ZMAT4: variants seen among roughly 807,000 people sequenced by gnomAD.
The protein encoded by ZMAT4 is zinc finger matrin-type protein 4.
ZMAT4 carries 17 observed loss-of-function variants against 28.7 expected under a neutral mutation model. The observed-to-expected ratio is 0.59, with a 90% CI of 0.41 to 0.89. The LOEUF (loss-of-function observed/expected upper bound fraction) is 0.89. Ranked by LOEUF, ZMAT4 falls within the 40% of genes least tolerant of loss-of-function variation. ZMAT4 has a pLI of 0.00. For missense variants in ZMAT4, 240 were observed against 283.8 expected, an observed-to-expected ratio of 0.85 and a Z score of 1.11; for synonymous variants, 117 against 109.2, an observed-to-expected ratio of 1.07 and a Z score of -0.44.
chr8:40,705,067 T>A (rs1385378991), intron 3 of ZMAT4, among the ~76,000 whole-genome samples: 1 of 152,146 alleles, frequency 6.6e-6, no homozygotes, highest in Non-Finnish European at 1.5e-5. Flanking sequence ...TTCCATAGTA[T>A]TGGGGGAAAT....
intron 6 of ZMAT4, among the ~76,000 whole-genome samples, chr8:40,540,304 A>C (rs1802990198): frequency 6.6e-6 from 1 of 152,118 alleles, no homozygotes; most frequent in Non-Finnish European, 1.5e-5. Flanking sequence ...CTGGCTTGTG[A>C]AGGGTCCCTC....
At chr8:40,575,495 C>T (rs1250703570) in intron 6 of ZMAT4, among the ~76,000 whole-genome samples, 1 of 151,970 alleles carries the variant, frequency 6.6e-6, no homozygotes, top group Non-Finnish European at 1.5e-5. Flanking sequence ...CAAAGCCACA[C>T]CACTGCCCCC....
At chr8:40,819,538 G>T (rs757450520) in intron 2 of ZMAT4, among the ~76,000 whole-genome samples, 34 of 152,118 alleles carry the variant, frequency 2.2e-4, no homozygotes, top group Admixed American at 7.9e-4. Flanking sequence ...AGCTCTACAG[G>T]GGGGAGCACG....
rs556511496 is a variant in ZMAT4 at position 40,713,414 on chromosome 8, C to T, written c.193-16013G>A. On this transcript the variant is annotated intron_variant, in intron 3 of 6. Transcript: ENST00000297737. ...ATGTTCTGTATATCAAGAAATAACA[C>T]GAAGCCAAGATCAAGGTAAGGTAAT... Among the ~76,000 whole-genome samples the T allele has an allele frequency of 6.6e-5, 10 of 150,494 alleles. No individual in the cohort carries two copies. In the East Asian group the frequency reaches 7.8e-4, roughly 12 times the overall value.
At chr8:40,878,252 CA>C (rs1169659554) in intron 1 of ZMAT4, among the ~76,000 whole-genome samples, 1 of 152,280 alleles carries the variant, frequency 6.6e-6, no homozygotes, top group East Asian at 1.9e-4. Flanking sequence ...AAGTTAGGGC[CA>C]AAACCTGTCC....
At chr8:40,601,469 GAA>G (rs1563359969) in intron 5 of ZMAT4, among the ~76,000 whole-genome samples, 17 of 6,920 alleles carry the variant, frequency 2.5e-3, no homozygotes, top group East Asian at 5.8e-3. Context: ...AGGAAGAAAG[GAA>G]AGAAAGAAAG....
intron 5 of ZMAT4, among the ~76,000 whole-genome samples, chr8:40,582,992 G>A (rs1053737654): frequency 2.0e-5 from 3 of 152,146 alleles, no homozygotes; most frequent in Admixed American, 6.5e-5. Flanking sequence ...TCACGAACCC[G>A]TGCTGACCAC....
intron 5 of ZMAT4, among the ~76,000 whole-genome samples, chr8:40,601,915 G>A (rs559628418): frequency 2.1e-4 from 32 of 152,160 alleles, no homozygotes; most frequent in African/African-American, 7.2e-4. Context: ...GGTGGTGTTT[G>A]GTTACATGAA....
intron 2 of ZMAT4, among the ~76,000 whole-genome samples, chr8:40,809,064 G>A (rs1327061105): frequency 2.0e-5 from 3 of 152,042 alleles, no homozygotes; most frequent in African/African-American, 7.2e-5. Flanking sequence ...ATCAACCTAA[G>A]TACCCATCAA....
At chr8:40,809,531 A>G (rs567860511) in intron 2 of ZMAT4, among the ~76,000 whole-genome samples, 3 of 152,344 alleles carry the variant, frequency 2.0e-5, no homozygotes, top group Admixed American at 1.3e-4. Flanking sequence ...TGTTCTCAAC[A>G]TGATTACAAT....
intron 3 of ZMAT4, among the ~76,000 whole-genome samples, chr8:40,754,784 G>A (rs767512360): frequency 6.6e-6 from 1 of 152,102 alleles, no homozygotes; most frequent in African/African-American, 2.4e-5. Flanking sequence ...GGCCAAGACG[G>A]GAAGAATCGT....
chr8:40,836,130 C>G (rs953540614), intron 1 of ZMAT4, among the ~76,000 whole-genome samples: 7 of 152,134 alleles, frequency 4.6e-5, no homozygotes, highest in Non-Finnish European at 8.8e-5. Flanking sequence ...TTGTGACACC[C>G]CCTACTTTGG....
intron 2 of ZMAT4, among the ~76,000 whole-genome samples, chr8:40,779,643 C>A (rs912190046): frequency 1.3e-5 from 2 of 152,158 alleles, no homozygotes; most frequent in African/African-American, 4.8e-5. Flanking sequence ...ATAAGAATTA[C>A]TAGGGATAGA....
At chr8:40,606,762 A>G (rs541085288) in intron 5 of ZMAT4, among the ~76,000 whole-genome samples, 1 of 152,288 alleles carries the variant, frequency 6.6e-6, no homozygotes, top group African/African-American at 2.4e-5. Flanking sequence ...TGATTATTCC[A>G]GGGAATTGTT....
At chr8:40,861,818 A>G (rs934691740) in intron 1 of ZMAT4, among the ~76,000 whole-genome samples, 8 of 152,230 alleles carry the variant, frequency 5.3e-5, no homozygotes, top group Non-Finnish European at 1.0e-4. Flanking sequence ...CACATGAAAA[A>G]ATGCTCATCA....
chr8:40,828,367 C>T (rs1816154493), intron 1 of ZMAT4, among the ~76,000 whole-genome samples: 1 of 152,104 alleles, frequency 6.6e-6, no homozygotes, highest in Non-Finnish European at 1.5e-5. Flanking sequence ...TCACGGATGA[C>T]CTGGTTAATA....
intron 4 of ZMAT4, among the ~76,000 whole-genome samples, chr8:40,685,489 T>C (rs1809361466): frequency 6.6e-6 from 1 of 152,216 alleles, no homozygotes; most frequent in African/African-American, 2.4e-5. Flanking sequence ...TTCTGCTGTG[T>C]CACCCACAAT....
intron 5 of ZMAT4, among the ~76,000 whole-genome samples, chr8:40,641,341 T>C (rs1314044868): frequency 3.9e-5 from 6 of 152,218 alleles, no homozygotes; most frequent in African/African-American, 1.4e-4. Flanking sequence ...AGTCAAACTT[T>C]ATGTGGAAAA....
chr8:40,758,634 A>G (rs1330377929), intron 3 of ZMAT4, among the ~76,000 whole-genome samples: 1 of 152,220 alleles, frequency 6.6e-6, no homozygotes, highest in African/African-American at 2.4e-5. Context: ...ATTACTTATT[A>G]TGAAAAAAAT....
Sources: allele counts gnomAD v4.1 joint callset (sites outside exome capture counted in the v4.1 genomes callset), GRCh38; gene constraint gnomAD v4.1.1; transcripts MANE v1.5; gene names NCBI Gene and HGNC (gene_info 2026-07-23, HGNC 2026-07-21).